LAMB3: variants seen among roughly 807,000 people sequenced by gnomAD.
The protein encoded by LAMB3 is laminin subunit beta 3.
LAMB3 carries 104 observed loss-of-function variants against 140.3 expected under a neutral mutation model. That is an observed-to-expected ratio of 0.74 (90% CI 0.63 to 0.87). The LOEUF (loss-of-function observed/expected upper bound fraction) is 0.87. Among genes scored for constraint, LAMB3 ranks in the 40% least tolerant of loss-of-function variants. LAMB3 has a pLI of 0.00. For missense variants in LAMB3, 1,531 were observed against 1,575.2 expected, an observed-to-expected ratio of 0.97 and a Z score of 0.47; for synonymous variants, 592 against 602.9, an observed-to-expected ratio of 0.98 and a Z score of 0.26.
At chr1:209,625,169 A>G (rs551234130) in intron 14 of LAMB3, among the ~76,000 whole-genome samples, 1 of 152,218 alleles carries the variant, frequency 6.6e-6, no homozygotes, top group Admixed American at 6.5e-5. Flanking sequence ...TGCTCAGGGA[A>G]TGCAAACTAA....
intron 5 of LAMB3, among the ~76,000 whole-genome samples, chr1:209,634,963 T>G (rs1389102829): frequency 6.6e-6 from 1 of 150,796 alleles, no homozygotes; most frequent in Non-Finnish European, 1.5e-5. Context: ...CTCTCCTCTC[T>G]CTGTCTCTCT....
intron 3 of LAMB3, among the ~76,000 whole-genome samples, chr1:209,649,363 C>A (rs1161629653): frequency 1.3e-5 from 2 of 152,078 alleles, no homozygotes; most frequent in Non-Finnish European, 2.9e-5. Context: ...AAAAGAAAAC[C>A]AAAGTTCCTA....
At position 209,651,643 on chromosome 1, in the gene LAMB3, C is replaced by T. The variant is rs879533251; in HGVS notation, c.-37-662G>A. Among the ~76,000 whole-genome samples the T allele has an allele frequency of 3.3e-5, 5 of 152,120 alleles. No individual in the cohort carries two copies. In the East Asian group the frequency reaches 9.6e-4, roughly 29 times the overall value. On this transcript the variant is annotated intron_variant, in intron 1 of 22. Transcript: ENST00000356082. The stretch of plus-strand genomic sequence containing the variant: ...AAATGTCTTCAATGATGGGCTGGGG[C>T]TCGACAAGAGGGGTGGGGCTGGGAG...
chr1:209,634,917 TTCTCTCTCTCTCTCTC>T lies in LAMB3; in HGVS notation c.373-295_373-280del, dbSNP rs59855467. 7.3e-4 allele frequency among the ~76,000 whole-genome samples: 99 copies of T among 136,246 alleles called. 2 individuals are homozygous for T. In the South Asian group the frequency reaches 0.016, roughly 22 times the overall value. 89.4% of individuals were successfully genotyped at this position (136,246 alleles called of 152,430 possible). On this transcript the variant is annotated intron_variant, in intron 5 of 22. Transcript: ENST00000356082. ...ACTTCGCACAGTTGACCATTTTTTA[TTCTCTCTCTCTCTCTC>T]TCTCTCTCTCTCTCTCTCTCTCTCC...
At position 209,632,769 on chromosome 1, in the gene LAMB3, C is replaced by T. The variant is rs2102434876; in HGVS notation, c.636G>A (p.Gly212=). Residue 212 remains glycine, a synonymous_variant, in exon 8 of 23, where the codon GGG becomes GGA. Coordinates refer to ENST00000356082, the MANE Select transcript of LAMB3 (RefSeq NM_000228.3). ...ATQSQKIQEV[G]EITNLRVNFT... is the part of the protein sequence containing the mutation. ...AATTGACTCTCAAGTTTGTGATCTC[C>T]CCCACCTCTGAGAGGGCCAAACAGC... The T allele has an allele frequency of 1.2e-6, 2 of 1,614,140 alleles. No individual in the cohort carries two copies. The highest frequency in any genetic ancestry group is 1.7e-6 in the Non-Finnish European group (2 of 1,179,994).
chr1:209,617,960 T>G lies in LAMB3; in HGVS notation c.2998A>C (p.Thr1000Pro), dbSNP rs776813358. ...AGGGAGCGGCTGGTGCCTTGCATGG[T>G]GTCCTGAGCTTCCTGCAGTGCCACT... ...GTVALQEAQD[T>P]MQGTSRSLRL... Residue 1000 changes from threonine (T) to proline (P), a missense_variant, in exon 20 of 23, where the codon ACC becomes CCC. Transcript: ENST00000356082. 6.2e-7 allele frequency: 1 copy of G among 1,614,048 alleles called. No homozygotes were observed. The highest frequency in any genetic ancestry group is 1.7e-5 in the Admixed American group (1 of 59,998).
intron 19 of LAMB3, 104 bp downstream of exon 19, chr1:209,618,348 C>T: frequency 2.6e-6 from 3 of 1,173,230 alleles, no homozygotes; most frequent in Non-Finnish European, 2.5e-6. Context: ...TAAGCACCCC[C>T]TCCTGTCTCC....
rs1324168930 is a variant in LAMB3 at position 209,629,821 on chromosome 1, T to A, written c.1048A>T (p.Thr350Ser). 6 of 1,613,940 alleles carry A rather than the reference T, an allele frequency of 3.7e-6. No homozygotes were observed. The Admixed American group carries it at 1.0e-4, about 27-fold the overall frequency. ...CACCGCTCACAGTTCTTGCCTTCGG[T>A]GTGGTCCCGGCAATTGTCACACACA... ...GGVCDNCRDH[T>S]EGKNCERCQL... The change falls in exon 10 of 23, where the codon ACC becomes TCC. Residue 350 changes from threonine to serine, a missense_variant. Coordinates refer to ENST00000356082, the MANE Select transcript of LAMB3 (RefSeq NM_000228.3).
chr1:209,617,873 C>A, intron 20 of LAMB3, 34 bp downstream of exon 20: 1 of 1,614,086 alleles, frequency 6.2e-7, no homozygotes, highest in South Asian at 1.1e-5. Flanking sequence ...CTGTTTATGC[C>A]CAAATATGGG....
chr1:209,620,407 A>T (rs1571801001), intron 18 of LAMB3, among the ~76,000 whole-genome samples: 1 of 152,324 alleles, frequency 6.6e-6, no homozygotes, highest in East Asian at 1.9e-4. Flanking sequence ...GGATGCCTAG[A>T]TTCCTAGAGG....
intron 3 of LAMB3, among the ~76,000 whole-genome samples, chr1:209,644,937 G>A (rs1273151034): frequency 1.3e-5 from 2 of 152,200 alleles, no homozygotes; most frequent in Non-Finnish European, 2.9e-5. Flanking sequence ...GTTCCCAGAG[G>A]CTTCTGTGGG....
In LAMB3 at chr1:209,617,348, T is replaced by C. The variant is rs946812463; in HGVS notation, c.3228+62A>G. On this transcript the variant is annotated intron_variant, in intron 21 of 22. Transcript: ENST00000356082. The stretch of plus-strand genomic sequence containing the variant: ...TGGTCTTATAAAGTGTGCAAAGTCC[T>C]CCTCTGCTCAGGACCCCCTCACTGG... 2.6e-6 allele frequency: 4 copies of C among 1,536,550 alleles called. No individual in the cohort carries two copies. In the African/African-American group the frequency reaches 5.4e-5, roughly 21 times the overall value.
intron 3 of LAMB3, among the ~76,000 whole-genome samples, chr1:209,646,500 T>G (rs2076519387): frequency 6.6e-6 from 1 of 152,220 alleles, no homozygotes; most frequent in Non-Finnish European, 1.5e-5. Context: ...GAGGGAGTCC[T>G]CACCCCCAGT....
intron 3 of LAMB3, among the ~76,000 whole-genome samples, chr1:209,647,477 G>A (rs2076528169): frequency 6.6e-6 from 1 of 152,188 alleles, no homozygotes; most frequent in Admixed American, 6.5e-5. Flanking sequence ...TTGCATTCAT[G>A]GCACATCAGT....
chr1:209,633,857 C>T (rs114336431), intron 6 of LAMB3, among the ~76,000 whole-genome samples: 4,709 of 152,166 alleles, frequency 0.031, 90 homozygotes, highest in Middle Eastern at 0.092. Flanking sequence ...GATGGGGAAA[C>T]GCAGTTATGA....
rs139597537 is a variant in LAMB3, at chr1:209,646,173, G to A, written c.183+3791C>T. On this transcript the variant is annotated intron_variant, in intron 3 of 22. Coordinates refer to ENST00000356082, the MANE Select transcript of LAMB3 (RefSeq NM_000228.3). ...ACACAACACTGGAGGAGACATTGTC[G>A]GGAGCAGAAATCAGGGATGGAAAGC... Among the ~76,000 whole-genome samples the A allele has an allele frequency of 6.9e-3, 1,057 of 152,296 alleles. 8 individuals are homozygous for A. The highest frequency in any genetic ancestry group is 9.7e-3 in the Non-Finnish European group (663 of 68,018).
intron 3 of LAMB3, among the ~76,000 whole-genome samples, chr1:209,642,662 A>G (rs892572941): frequency 6.6e-6 from 1 of 152,150 alleles, no homozygotes; most frequent in Non-Finnish European, 1.5e-5. Context: ...TATTTTTAGT[A>G]GAGACGGGAT....
chr1:209,630,880 G>T (rs752365982), intron 8 of LAMB3, 145 bp from the exon 9 acceptor site: 1 of 901,634 alleles, frequency 1.1e-6, no homozygotes, highest in East Asian at 2.6e-5. Flanking sequence ...TCTGAATGCC[G>T]CAGACTTCAC....
Position 209,625,979 on chromosome 1 carries a change from C to A in LAMB3, c.1645G>T (p.Ala549Ser). 1 of 1,613,552 alleles carries A rather than the reference C, an allele frequency of 6.2e-7. No individual in the cohort carries two copies. Among genetic ancestry groups the A allele is most frequent in the Non-Finnish European group, 8.5e-7 (1 of 1,179,726 alleles). The change falls in exon 14 of 23, where the codon GCA becomes TCA. Residue 549 changes from alanine (A) to serine (S), a missense_variant. Coordinates refer to ENST00000356082, the MANE Select transcript of LAMB3 (RefSeq NM_000228.3). ...GGGCGGCAGAGGCAGCGGCCTGATG[C>A]CTTGTCGCAGCCCGGGCCCTCTGTT... The part of the protein sequence containing the change: ...RGTEGPGCDK[A>S]SGRCLCRPGL...
Sources: allele counts gnomAD v4.1 joint callset (sites outside exome capture counted in the v4.1 genomes callset), GRCh38; gene constraint gnomAD v4.1.1; transcripts MANE v1.5; gene names NCBI Gene and HGNC (gene_info 2026-07-23, HGNC 2026-07-21).